The following RALGPS1 variants were observed in gnomAD, a reference collection of about 807,000 sequenced individuals.
RALGPS1 encodes ras-specific guanine nucleotide-releasing factor RalGPS1.
A neutral mutation model predicts 78.8 loss-of-function variants in RALGPS1; 19 were observed. The ratio of observed to expected loss-of-function variants is 0.24; its 90% confidence interval spans 0.17 to 0.35. The LOEUF (loss-of-function observed/expected upper bound fraction) is 0.35. RALGPS1 is among the 10% of genes least tolerant of loss of function. The pLI, the probability that RALGPS1 is intolerant of heterozygous loss-of-function variation, is 1.00. For missense variants in RALGPS1, 454 were observed against 688.3 expected, an observed-to-expected ratio of 0.66 and a Z score of 3.81; for synonymous variants, 228 against 256.3, an observed-to-expected ratio of 0.89 and a Z score of 1.06.
chr9:127,066,611 A>C (rs2049730431), intron 7 of RALGPS1, among the ~76,000 whole-genome samples: 1 of 152,228 alleles, frequency 6.6e-6, no homozygotes, highest in South Asian at 2.1e-4. Context: ...ACTCCTTTCC[A>C]GTCTGGGAGA....
intron 8 of RALGPS1, among the ~76,000 whole-genome samples, chr9:127,094,247 T>G (rs112610667): frequency 6.6e-6 from 1 of 152,132 alleles, no homozygotes; most frequent in Non-Finnish European, 1.5e-5. Flanking sequence ...TTCCCTCATA[T>G]AGTGTTGTCA....
chr9:127,133,530 G>A (rs2057163997), intron 8 of RALGPS1, among the ~76,000 whole-genome samples: 1 of 152,174 alleles, frequency 6.6e-6, no homozygotes, highest in African/African-American at 2.4e-5. Context: ...CTGTGGGTGG[G>A]GTGGACCCAG....
chr9:127,171,127 C>T (rs1262668226), intron 10 of RALGPS1, among the ~76,000 whole-genome samples: 1 of 152,206 alleles, frequency 6.6e-6, no homozygotes, highest in African/African-American at 2.4e-5. Context: ...TCCCCACAGC[C>T]TTTATTCTAT....
chr9:126,962,418 C>G (rs1465432496), intron 2 of RALGPS1, 72 bp downstream of exon 2: 1 of 1,484,146 alleles, frequency 6.7e-7, no homozygotes, highest in Non-Finnish European at 9.4e-7. Context: ...CCCAGCTGAG[C>G]CTTGGACAGC....
intron 3 of RALGPS1, among the ~76,000 whole-genome samples, chr9:126,972,196 A>G (rs1432189857): frequency 6.6e-6 from 1 of 152,206 alleles, no homozygotes; most frequent in Admixed American, 6.5e-5. Context: ...AGAAGCTCCC[A>G]TTGCCCCATC....
chr9:127,128,182 C>A (rs952520864), intron 8 of RALGPS1, among the ~76,000 whole-genome samples: 6 of 152,172 alleles, frequency 3.9e-5, no homozygotes, highest in African/African-American at 1.4e-4. Flanking sequence ...ATGAACTCAT[C>A]CTTTTTATGG....
At chr9:126,958,158 TACACACAC>T (rs60776038) in intron 1 of RALGPS1, among the ~76,000 whole-genome samples, 2 of 121,110 alleles carry the variant, frequency 1.7e-5, no homozygotes, top group African/African-American at 5.5e-5. Flanking sequence ...TATATATATA[TACACACAC>T]ACACACACAT....
chr9:127,105,142 G>A (rs1349492937), intron 8 of RALGPS1, among the ~76,000 whole-genome samples: 1 of 152,166 alleles, frequency 6.6e-6, no homozygotes, highest in Non-Finnish European at 1.5e-5. Context: ...GCCTTGTGTG[G>A]GAGCTCAGTG....
intron 1 of RALGPS1, among the ~76,000 whole-genome samples, chr9:126,950,369 A>T (rs1383657154): frequency 6.6e-6 from 1 of 152,180 alleles, no homozygotes; most frequent in Non-Finnish European, 1.5e-5. Context: ...TGGTAGCTTG[A>T]TGGGGATGGC....
intron 6 of RALGPS1, among the ~76,000 whole-genome samples, chr9:127,050,797 ACT>A (rs1403151094): frequency 1.3e-5 from 2 of 151,962 alleles, no homozygotes; most frequent in African/African-American, 2.4e-5. Context: ...GGCTTGCCTG[ACT>A]CTCAGCCGCA....
intron 3 of RALGPS1, among the ~76,000 whole-genome samples, chr9:126,967,048 A>C (rs866321672): frequency 3.4e-4 from 52 of 152,294 alleles, no homozygotes; most frequent in African/African-American, 1.2e-3. Flanking sequence ...TTGGTAAAAG[A>C]GGTTTCTTGT....
chr9:127,028,495 A>G (rs1324596978), intron 4 of RALGPS1, among the ~76,000 whole-genome samples: 2 of 152,190 alleles, frequency 1.3e-5, no homozygotes, highest in African/African-American at 2.4e-5. Context: ...TAGGTGCTCA[A>G]TAAATCTTGC....
chr9:127,068,215 G>T (rs1589292866), intron 7 of RALGPS1, among the ~76,000 whole-genome samples: 1 of 152,196 alleles, frequency 6.6e-6, no homozygotes, highest in Non-Finnish European at 1.5e-5. Context: ...ACCACACCCA[G>T]TGTAAATATG....
chr9:126,995,528 A>C (rs2042663725), intron 4 of RALGPS1, among the ~76,000 whole-genome samples: 1 of 152,236 alleles, frequency 6.6e-6, no homozygotes, highest in South Asian at 2.1e-4. Flanking sequence ...CAGATTCATA[A>C]AGCACGTCCT....
intron 1 of RALGPS1, among the ~76,000 whole-genome samples, chr9:126,949,062 G>A (rs1407857869): frequency 2.0e-5 from 3 of 151,686 alleles, no homozygotes; most frequent in South Asian, 2.1e-4. Context: ...GAGAACATGC[G>A]GTGTTTGGTT....
At chr9:127,045,408 C>T (rs78285403) in intron 5 of RALGPS1, among the ~76,000 whole-genome samples, 1 of 152,226 alleles carries the variant, frequency 6.6e-6, no homozygotes, top group African/African-American at 2.4e-5. Context: ...TATATAAACA[C>T]CATACTCCAT....
At chr9:127,145,383 G>T (rs1049273712) in intron 8 of RALGPS1, among the ~76,000 whole-genome samples, 1 of 152,170 alleles carries the variant, frequency 6.6e-6, no homozygotes, top group Non-Finnish European at 1.5e-5. Context: ...GCCCTGTGAC[G>T]ACCTGCATCT....
chr9:127,174,459 T>G (rs190391466), intron 10 of RALGPS1, among the ~76,000 whole-genome samples: 1 of 152,124 alleles, frequency 6.6e-6, no homozygotes, highest in East Asian at 1.9e-4. Context: ...ATCTAGAAAA[T>G]GTACTGGTTC....
intron 4 of RALGPS1, among the ~76,000 whole-genome samples, chr9:127,027,030 C>T (rs899164077): frequency 6.6e-6 from 1 of 152,288 alleles, no homozygotes; most frequent in South Asian, 2.1e-4. Context: ...TCCTTAATGA[C>T]TCTGAGCCAG....
Sources: gnomAD v4.1 joint callset for allele counts (sites outside exome capture counted in the v4.1 genomes callset) on GRCh38, gnomAD v4.1.1 for gene constraint, MANE v1.5 for transcripts, NCBI Gene and HGNC (gene_info 2026-07-23, HGNC 2026-07-21) for gene names.